Variants in CTNNA3 observed in about 807,000 individuals in gnomAD.
CTNNA3 encodes the protein catenin alpha 3.
CTNNA3 carries 76 observed loss-of-function variants against 95.7 expected under a neutral mutation model. The observed-to-expected ratio is 0.79, with a 90% CI of 0.66 to 0.96. The LOEUF (loss-of-function observed/expected upper bound fraction) is 0.96, where lower values mean the gene tolerates loss of function less well. CTNNA3 is among the 40% of genes least tolerant of loss of function. The pLI is 0.00. For missense variants in CTNNA3, 1,191 were observed against 1,089.8 expected (o/e 1.09, Z -1.31); for synonymous variants, 431 against 374.4 (o/e 1.15, Z -1.74).
At chr10:66,238,713 T>A (rs2132032255) in intron 13 of CTNNA3, among the ~76,000 whole-genome samples, 1 of 151,954 alleles carries the variant, frequency 6.6e-6, no homozygotes, top group South Asian at 2.1e-4. Context: ...TTTTCAAATA[T>A]CTTCACAGAA....
intron 11 of CTNNA3, among the ~76,000 whole-genome samples, chr10:66,445,779 CA>C (rs201125737): frequency 0.12 from 17,709 of 151,798 alleles, 1,483 homozygotes; most frequent in African/African-American, 0.24. Flanking sequence ...AAAGCAAGAG[CA>C]AACACATTCA....
chr10:67,042,600 G>A (rs1187167456), intron 7 of CTNNA3, among the ~76,000 whole-genome samples: 2 of 151,960 alleles, frequency 1.3e-5, no homozygotes, highest in African/African-American at 2.4e-5. Flanking sequence ...AGTACTGTCA[G>A]AAGCTAGGAG....
At chr10:66,319,122 T>G (rs1220913016) in intron 12 of CTNNA3, among the ~76,000 whole-genome samples, 1 of 152,060 alleles carries the variant, frequency 6.6e-6, no homozygotes, top group Non-Finnish European at 1.5e-5. Flanking sequence ...CTTCTGAGCC[T>G]TGGATATCAC....
intron 17 of CTNNA3, among the ~76,000 whole-genome samples, chr10:65,952,236 C>A (rs538144132): frequency 6.6e-6 from 1 of 152,100 alleles, no homozygotes; most frequent in South Asian, 2.1e-4. Flanking sequence ...CACTTTATTA[C>A]AATGCAATAC....
At chr10:67,229,764 A>G (rs1331084135) in intron 5 of CTNNA3, among the ~76,000 whole-genome samples, 1 of 152,242 alleles carries the variant, frequency 6.6e-6, no homozygotes, top group African/African-American at 2.4e-5. Context: ...AATATACCTA[A>G]CAAAGGAGTC....
At chr10:66,285,421 C>T (rs1165115506) in intron 12 of CTNNA3, among the ~76,000 whole-genome samples, 1 of 151,782 alleles carries the variant, frequency 6.6e-6, no homozygotes, top group African/African-American at 2.4e-5. Flanking sequence ...CATATGTCTA[C>T]ATAATGGGTT....
chr10:66,579,977 G>T (rs1843132075), intron 10 of CTNNA3, among the ~76,000 whole-genome samples: 2 of 151,472 alleles, frequency 1.3e-5, no homozygotes, highest in African/African-American at 4.8e-5. Flanking sequence ...ATCATGTTTG[G>T]GGTTTGCATT....
At chr10:66,346,526 C>G (rs2092521841) in intron 12 of CTNNA3, among the ~76,000 whole-genome samples, 1 of 151,980 alleles carries the variant, frequency 6.6e-6, no homozygotes, top group Non-Finnish European at 1.5e-5. Flanking sequence ...ATCTGCCTGC[C>G]TCGGCCTCCC....
chr10:67,227,968 A>C (rs1304622445), intron 5 of CTNNA3, among the ~76,000 whole-genome samples: 1 of 152,202 alleles, frequency 6.6e-6, no homozygotes, highest in African/African-American at 2.4e-5. Flanking sequence ...AAATGAAATC[A>C]AGATGGAAAT....
chr10:66,913,022 G>A (rs973182422), intron 7 of CTNNA3, among the ~76,000 whole-genome samples: 11 of 151,898 alleles, frequency 7.2e-5, no homozygotes, highest in African/African-American at 2.4e-4. Context: ...GGCGGATCAC[G>A]AGGTCAGGAG....
chr10:66,902,889 G>A (rs755837829), intron 7 of CTNNA3, among the ~76,000 whole-genome samples: 1 of 143,200 alleles, frequency 7.0e-6, no homozygotes, highest in Admixed American at 7.4e-5. Context: ...ATAATTAATA[G>A]CATACCAACG....
intron 11 of CTNNA3, among the ~76,000 whole-genome samples, chr10:66,418,488 T>C (rs191256686): frequency 3.3e-5 from 5 of 151,254 alleles, no homozygotes; most frequent in Admixed American, 6.6e-5. Context: ...CAAAAAATTG[T>C]AGGGGACTGA....
At chr10:66,656,807 G>A (rs1158417046) in intron 9 of CTNNA3, among the ~76,000 whole-genome samples, 3 of 151,980 alleles carry the variant, frequency 2.0e-5, no homozygotes, top group Non-Finnish European at 4.4e-5. Flanking sequence ...AGAGAGGAAA[G>A]GAGAGAGTGC....
At chr10:66,037,387 A>G (rs2079587789) in intron 15 of CTNNA3, among the ~76,000 whole-genome samples, 1 of 152,180 alleles carries the variant, frequency 6.6e-6, no homozygotes, top group African/African-American at 2.4e-5. Context: ...GCCAAATATA[A>G]TTTGACAAGT....
At chr10:66,452,997 C>T (rs1031263406) in intron 11 of CTNNA3, among the ~76,000 whole-genome samples, 1 of 152,012 alleles carries the variant, frequency 6.6e-6, no homozygotes, top group Non-Finnish European at 1.5e-5. Context: ...AGGCGGATCA[C>T]GGGTTCAGGA....
intron 11 of CTNNA3, among the ~76,000 whole-genome samples, chr10:66,476,233 G>GAGAGC (rs1839323037): frequency 6.6e-6 from 1 of 152,130 alleles, no homozygotes; most frequent in Admixed American, 6.6e-5. Flanking sequence ...TGTGGGGAGG[G>GAGAGC]AGAGCATCAG....
rs188166885 is a variant in CTNNA3, at chr10:67,584,959, G to A, written c.292+21898C>T. Reference sequence around the variant, plus strand: ...GGCGTGTCCTGATTTTCCAGGTACCGTCTGTCACGGCTTTCCTTGGCTAAG... The same window carrying A: ...GGCGTGTCCTGATTTTCCAGGTACCATCTGTCACGGCTTTCCTTGGCTAAG... On this transcript the variant is annotated intron_variant, in intron 3 of 17. Transcript: ENST00000433211. Among the ~76,000 whole-genome samples, 171 of 152,324 alleles carry A rather than the reference G, an allele frequency of 1.1e-3. 1 individual carries two copies. The highest frequency in any genetic ancestry group is 1.9e-3 in the Non-Finnish European group (127 of 68,030).
intron 1 of CTNNA3, among the ~76,000 whole-genome samples, chr10:67,685,642 G>A (rs935430814): frequency 1.3e-5 from 2 of 152,200 alleles, no homozygotes; most frequent in African/African-American, 4.8e-5. Flanking sequence ...TGACAACAAG[G>A]TGGTATTTGA....
At chr10:66,434,565 T>C (rs2093323385) in intron 11 of CTNNA3, among the ~76,000 whole-genome samples, 1 of 152,196 alleles carries the variant, frequency 6.6e-6, no homozygotes, top group African/African-American at 2.4e-5. Context: ...CAGGGTTTTC[T>C]AGATATACAA....
Sources: gnomAD v4.1 joint callset for allele counts (sites outside exome capture counted in the v4.1 genomes callset) on GRCh38, gnomAD v4.1.1 for gene constraint, MANE v1.5 for transcripts, NCBI Gene and HGNC (gene_info 2026-07-23, HGNC 2026-07-21) for gene names.